DUSP23: variants seen among roughly 807,000 people sequenced by gnomAD.
DUSP23 encodes the protein dual specificity protein phosphatase 23.
Under a neutral mutation model 13.3 loss-of-function variants are expected in DUSP23, and 10 were observed. The observed-to-expected ratio is 0.75, with a 90% confidence interval of 0.46 to 1.27. The LOEUF (loss-of-function observed/expected upper bound fraction) is 1.27. Among genes scored for constraint, DUSP23 ranks in the 50% most tolerant of loss-of-function variants. DUSP23 has a pLI of 0.00. For missense variants in DUSP23, 228 were observed against 204.8 expected, an observed-to-expected ratio of 1.11 and a Z score of -0.69; for synonymous variants, 107 against 95.3, an observed-to-expected ratio of 1.12 and a Z score of -0.72.
At position 159,781,057 on chromosome 1, in the gene DUSP23, A is replaced by C. The variant is rs1661847844; in HGVS notation, c.-44A>C. On this transcript the variant is annotated 5_prime_UTR_variant, in exon 1 of 2. Transcript: ENST00000368107. The stretch of plus-strand genomic sequence containing the variant: ...ACGCGTGGGCGGAGCGGGGCTGGCC[A>C]GCCTCGGCCCCCATGACCCGCTGTC... The C allele has an allele frequency of 1.3e-6, 2 of 1,503,132 alleles. No homozygotes were observed. The highest frequency in any genetic ancestry group is 5.1e-5 in the East Asian group (2 of 39,210). 93.1% of individuals were successfully genotyped at this position (1,503,132 alleles called of 1,614,324 possible).
chr1:159,782,348 G>A lies in DUSP23; in HGVS notation c.*10G>A, dbSNP rs1210579895. 5 of 1,613,062 alleles carry A rather than the reference G, an allele frequency of 3.1e-6. No homozygotes were observed. Among genetic ancestry groups the A allele is most frequent in the African/African-American group, 2.7e-5 (2 of 74,988 alleles). ...CCAGCGAACGAAATAAGGGGCCTTA[G>A]TACCCTTCTACCAGGCCCTCACTCC... On this transcript the variant is annotated 3_prime_UTR_variant, in exon 2 of 2. Transcript: ENST00000368107.
chr1:159,782,322 A>G lies in DUSP23; in HGVS notation c.437A>G (p.Tyr146Cys), dbSNP rs538013186. 24 of 1,613,862 alleles carry G rather than the reference A, an allele frequency of 1.5e-5. No individual in the cohort carries two copies. The East Asian group carries it at 2.5e-4, about 16-fold the overall frequency. The change falls in exon 2 of 2, where the codon TAC becomes TGC. Residue 146 changes from tyrosine to cysteine, a missense_variant. Physicochemically the swap from Tyr to Cys is radical, Grantham distance 194. Transcript: ENST00000368107. Reference sequence around the variant, plus strand: ...CAGGAGAAAGCAGTCTTCCAGTTCTACCAGCGAACGAAATAAGGGGCCTTA... The same window carrying G: ...CAGGAGAAAGCAGTCTTCCAGTTCTGCCAGCGAACGAAATAAGGGGCCTTA... ...YEQEKAVFQF[Y>C]QRTK
rs535109640 is a variant in DUSP23, at chr1:159,780,973, C to T, written c.-128C>T. 4 of 1,255,868 alleles carry T rather than the reference C, an allele frequency of 3.2e-6. No homozygotes were observed. In the Admixed American group the frequency reaches 9.0e-5, roughly 28 times the overall value. 77.8% of individuals were successfully genotyped at this position (1,255,868 alleles called of 1,614,324 possible). A position where few individuals can be genotyped will look rare whatever the true frequency, so the allele number is the denominator to read the frequency against. ...GGGCGGCGCCCTGCAGACCACGTGG[C>T]CCGGGAGGCGCCGAGGCCAGGTAGG... On this transcript the variant is annotated 5_prime_UTR_variant, in exon 1 of 2. Coordinates refer to ENST00000368107, the MANE Select transcript of DUSP23 (RefSeq NM_001319658.2).
At chr1:159,781,411 T>C in intron 1 of DUSP23, 44 bp downstream of exon 1, 1 of 1,449,358 alleles carries the variant, frequency 6.9e-7, no homozygotes, top group Non-Finnish European at 9.1e-7. Flanking sequence ...GCCTGGAAGG[T>C]CAGCGGGGGA....
In DUSP23 at chr1:159,782,508, A is replaced by G. The variant is rs1661906355; in HGVS notation, c.*170A>G. On this transcript the variant is annotated 3_prime_UTR_variant, in exon 2 of 2. Coordinates refer to ENST00000368107, the MANE Select transcript of DUSP23 (RefSeq NM_001319658.2). ...GGTCCTGATTGAAGGGGAGGCTTGT[A>G]CTGCTTTGTTGAATAAATGAGTTTT... 6 of 747,284 alleles carry G rather than the reference A, an allele frequency of 8.0e-6. No individual in the cohort carries two copies. Among genetic ancestry groups the G allele is most frequent in the Non-Finnish European group, 1.3e-5 (6 of 468,844 alleles). 46.3% of individuals were successfully genotyped at this position (747,284 alleles called of 1,614,324 possible).
chr1:159,781,952 G>A (rs1571069175), intron 1 of DUSP23, among the ~76,000 whole-genome samples: 1 of 152,310 alleles, frequency 6.6e-6, no homozygotes, highest in South Asian at 2.1e-4. Context: ...CAGGTGGAGG[G>A]CTGTGTAGAG....
At position 159,781,210 on chromosome 1, in the gene DUSP23, G is replaced by A; in HGVS notation, c.110G>A (p.Arg37Gln). Residue 37 changes from arginine (R) to glutamine (Q), a missense_variant, in exon 1 of 2, where the codon CGG becomes CAG. Physicochemically the swap from Arg to Gln is conservative, Grantham distance 43. Transcript: ENST00000368107. ...HYQFLLDLGV[R>Q]HLVSLTERGP... ...CAGTTCCTGTTGGACCTGGGCGTGCGGCACCTGGTGTCCCTGACGGAGCGC... is the reference window on the plus strand; with the variant it reads ...CAGTTCCTGTTGGACCTGGGCGTGCAGCACCTGGTGTCCCTGACGGAGCGC... 5 of 1,549,468 alleles carry A rather than the reference G, an allele frequency of 3.2e-6. No homozygotes were observed. The highest frequency in any genetic ancestry group is 4.4e-6 in the Non-Finnish European group (5 of 1,146,500).
chr1:159,781,030 G>C lies in DUSP23; in HGVS notation c.-71G>C. On this transcript the variant is annotated 5_prime_UTR_variant, in exon 1 of 2. Transcript: ENST00000368107. ...GTTACTTGGCTCGGAGCGGGCGAGG[G>C]GACGCGTGGGCGGAGCGGGGCTGGC... 1.0e-5 allele frequency: 15 copies of C among 1,459,818 alleles called. No individual in the cohort carries two copies. Among genetic ancestry groups the C allele is most frequent in the Non-Finnish European group, 1.4e-5 (15 of 1,106,454 alleles). The allele number at this position is 1,459,818 out of a possible 1,614,324, so 90.4% of individuals were successfully genotyped here. A position where few individuals can be genotyped will look rare whatever the true frequency, so the allele number is the denominator to read the frequency against.
rs1433003295 is a variant in DUSP23 at position 159,781,326 on chromosome 1, C to G, written c.226C>G (p.Arg76Gly). 1 of 1,542,952 alleles carries G rather than the reference C, an allele frequency of 6.5e-7. No homozygotes were observed. Among genetic ancestry groups the G allele is most frequent in the Non-Finnish European group, 8.7e-7 (1 of 1,143,250 alleles). ...CCCGCCGGCCCCCGACCAGATCGACCGCTTCGTGCAGATCGTGGACGAGGC... is the reference window on the plus strand; with the variant it reads ...CCCGCCGGCCCCCGACCAGATCGACGGCTTCGTGCAGATCGTGGACGAGGC... ...FCPPAPDQID[R>G]FVQIVDEANA... Residue 76 changes from arginine to glycine, a missense_variant, in exon 1 of 2, where the codon CGC becomes GGC. By Grantham distance (125) the Arg-to-Gly change is moderately radical. Coordinates refer to ENST00000368107, the MANE Select transcript of DUSP23 (RefSeq NM_001319658.2).
At position 159,781,041 on chromosome 1, in the gene DUSP23, C is replaced by A. The variant is rs962068925; in HGVS notation, c.-60C>A. The A allele has an allele frequency of 9.5e-6, 14 of 1,470,922 alleles. No individual in the cohort carries two copies. Among genetic ancestry groups the A allele is most frequent in the African/African-American group, 7.2e-5 (5 of 69,124 alleles). The allele number at this position is 1,470,922 out of a possible 1,614,324, so 91.1% of individuals were successfully genotyped here. On this transcript the variant is annotated 5_prime_UTR_variant, in exon 1 of 2. Transcript: ENST00000368107. ...CGGAGCGGGCGAGGGGACGCGTGGG[C>A]GGAGCGGGGCTGGCCAGCCTCGGCC...
rs1430991315 is a variant in DUSP23, at chr1:159,781,316, C to A, written c.216C>A (p.Asp72Glu). Reference protein sequence around the residue: ...RIPDFCPPAPDQIDRFVQIVD... With the variant: ...RIPDFCPPAPEQIDRFVQIVD... Reference sequence around the variant, plus strand: ...CCGACTTCTGCCCGCCGGCCCCCGACCAGATCGACCGCTTCGTGCAGATCG... The same window carrying A: ...CCGACTTCTGCCCGCCGGCCCCCGAACAGATCGACCGCTTCGTGCAGATCG... Residue 72 changes from aspartate to glutamate, a missense_variant, in exon 1 of 2, where the codon GAC becomes GAA. By Grantham distance (45) the Asp-to-Glu change is conservative (BLOSUM62 2). Transcript: ENST00000368107. 2.6e-6 allele frequency: 4 copies of A among 1,545,392 alleles called. No individual in the cohort carries two copies. Among genetic ancestry groups the A allele is most frequent in the South Asian group, 1.2e-5 (1 of 83,490 alleles).
rs758760967 is a variant in DUSP23, at chr1:159,782,173, T to C, written c.288T>C (p.Ala96=). Residue 96 remains alanine (A), a synonymous_variant, in exon 2 of 2, where the codon GCT becomes GCC. Coordinates refer to ENST00000368107, the MANE Select transcript of DUSP23 (RefSeq NM_001319658.2). ...ARGEAVGVHC[A]LGFGRTGTML... ...CGTAGGCTGTGGGAGTGCACTGTGC[T>C]CTGGGCTTTGGCCGCACTGGCACCA... The C allele has an allele frequency of 1.2e-6, 2 of 1,614,112 alleles. No homozygotes were observed.
chr1:159,782,474 C>G lies in DUSP23; in HGVS notation c.*136C>G. The G allele has an allele frequency of 2.9e-6, 3 of 1,050,760 alleles. No homozygotes were observed. The South Asian group carries it at 4.9e-5, about 17-fold the overall frequency. 65.1% of individuals were successfully genotyped at this position (1,050,760 alleles called of 1,614,324 possible). The stretch of plus-strand genomic sequence containing the variant: ...CTGAAGACACTGAAGTAGCCCACCC[C>G]TGCAGGCAGGTCCTGATTGAAGGGG... On this transcript the variant is annotated 3_prime_UTR_variant, in exon 2 of 2. Coordinates refer to ENST00000368107, the MANE Select transcript of DUSP23 (RefSeq NM_001319658.2).
In DUSP23 at chr1:159,782,350, A is replaced by G; in HGVS notation, c.*12A>G. The stretch of plus-strand genomic sequence containing the variant: ...AGCGAACGAAATAAGGGGCCTTAGT[A>G]CCCTTCTACCAGGCCCTCACTCCCC... On this transcript the variant is annotated 3_prime_UTR_variant, in exon 2 of 2. Coordinates refer to ENST00000368107, the MANE Select transcript of DUSP23 (RefSeq NM_001319658.2). 1 of 1,612,034 alleles carries G rather than the reference A, an allele frequency of 6.2e-7. No homozygotes were observed. The highest frequency in any genetic ancestry group is 1.3e-5 in the African/African-American group (1 of 74,824).
In DUSP23 at chr1:159,781,068, C is replaced by G. The variant is rs1195992206; in HGVS notation, c.-33C>G. ...GAGCGGGGCTGGCCAGCCTCGGCCC[C>G]CATGACCCGCTGTCCTGTGCCCTTT... On this transcript the variant is annotated 5_prime_UTR_variant, in exon 1 of 2. Coordinates refer to ENST00000368107, the MANE Select transcript of DUSP23 (RefSeq NM_001319658.2). 1.6e-5 allele frequency: 24 copies of G among 1,522,018 alleles called. No homozygotes were observed. Among genetic ancestry groups the G allele is most frequent in the Non-Finnish European group, 8.8e-7 (1 of 1,138,298 alleles). 94.3% of individuals were successfully genotyped at this position (1,522,018 alleles called of 1,614,324 possible). A position where few individuals can be genotyped will look rare whatever the true frequency, so the allele number is the denominator to read the frequency against.
Position 159,782,384 on chromosome 1 carries a change from G to A in DUSP23, c.*46G>A, listed in dbSNP as rs1557862784. 7 of 1,595,864 alleles carry A rather than the reference G, an allele frequency of 4.4e-6. No homozygotes were observed. Among genetic ancestry groups the A allele is most frequent in the East Asian group, 4.5e-5 (2 of 44,708 alleles). ...CCAGGCCCTCACTCCCCTTCCCCAT[G>A]TTGTCGATGGGGCCAGAGATGAAGG... On this transcript the variant is annotated 3_prime_UTR_variant, in exon 2 of 2. Coordinates refer to ENST00000368107, the MANE Select transcript of DUSP23 (RefSeq NM_001319658.2).
chr1:159,782,473 C>T lies in DUSP23; in HGVS notation c.*135C>T. The stretch of plus-strand genomic sequence containing the variant: ...GCTGAAGACACTGAAGTAGCCCACC[C>T]CTGCAGGCAGGTCCTGATTGAAGGG... On this transcript the variant is annotated 3_prime_UTR_variant, in exon 2 of 2. Transcript: ENST00000368107. 2 of 1,058,546 alleles carry T rather than the reference C, an allele frequency of 1.9e-6. No homozygotes were observed. Among genetic ancestry groups the T allele is most frequent in the Non-Finnish European group, 1.4e-6 (1 of 740,176 alleles). 65.6% of individuals were successfully genotyped at this position (1,058,546 alleles called of 1,614,324 possible). A position where few individuals can be genotyped will look rare whatever the true frequency, so the allele number is the denominator to read the frequency against.
intron 1 of DUSP23, among the ~76,000 whole-genome samples, 180 bp downstream of exon 1, chr1:159,781,547 G>T (rs905192994): frequency 3.3e-5 from 5 of 152,210 alleles, no homozygotes; most frequent in African/African-American, 9.6e-5. Flanking sequence ...GAACTAAAGA[G>T]AGGGCGAAGC....
Position 159,782,382 on chromosome 1 carries a change from A to T in DUSP23, c.*44A>T, listed in dbSNP as rs749398895. The stretch of plus-strand genomic sequence containing the variant: ...TACCAGGCCCTCACTCCCCTTCCCC[A>T]TGTTGTCGATGGGGCCAGAGATGAA... On this transcript the variant is annotated 3_prime_UTR_variant, in exon 2 of 2. Coordinates refer to ENST00000368107, the MANE Select transcript of DUSP23 (RefSeq NM_001319658.2). The T allele has an allele frequency of 3.6e-5, 58 of 1,597,640 alleles. No individual in the cohort carries two copies. The highest frequency in any genetic ancestry group is 1.7e-5 in the Admixed American group (1 of 58,934).
Sources: allele counts gnomAD v4.1 joint callset (sites outside exome capture counted in the v4.1 genomes callset), GRCh38; gene constraint gnomAD v4.1.1; transcripts MANE v1.5; gene names NCBI Gene and HGNC (gene_info 2026-07-23, HGNC 2026-07-21).